The following STUM variants were observed in gnomAD, a reference collection of about 807,000 sequenced individuals.
STUM encodes the protein stum, mechanosensory transduction mediator homolog.
STUM carries 8 observed loss-of-function variants against 15.3 expected under a neutral mutation model. The ratio of observed to expected loss-of-function variants is 0.52; its 90% CI spans 0.31 to 0.94. The LOEUF is 0.94. STUM is among the 40% of genes least tolerant of loss of function. STUM has a pLI of 0.05. For synonymous variants in STUM, 78 were observed against 88.7 expected, an observed-to-expected ratio of 0.88 and a Z score of 0.68; for missense variants, 142 against 204.9, an observed-to-expected ratio of 0.69 and a Z score of 1.87.
chr1:226,594,835 T>C (rs1347090882), intron 1 of STUM, among the ~76,000 whole-genome samples: 6 of 152,162 alleles, frequency 3.9e-5, no homozygotes, highest in African/African-American at 1.2e-4. Context: ...TTGTATTTTT[T>C]AGTAGAGACA....
intron 1 of STUM, among the ~76,000 whole-genome samples, chr1:226,579,868 C>T (rs1030015431): frequency 1.3e-5 from 2 of 152,090 alleles, no homozygotes; most frequent in East Asian, 1.9e-4. Context: ...CCTCCAGCCT[C>T]GGCCTCCCAA....
Position 226,567,376 on chromosome 1 carries a change from G to A in STUM, c.202+18270G>A, listed in dbSNP as rs767048011. On this transcript the variant is annotated intron_variant, in intron 1 of 3. Transcript: ENST00000366788. The surrounding 1 kb of genome is among the most constrained non-coding windows in gnomAD (Gnocchi z 4.5). Reference sequence around the variant, plus strand: ...CTGAACATTTGCAGTGGAAAATAACGGAAAATAGAAACACAACAATATTAG... The same window carrying A: ...CTGAACATTTGCAGTGGAAAATAACAGAAAATAGAAACACAACAATATTAG... 3.3e-5 allele frequency among the ~76,000 whole-genome samples: 5 copies of A among 152,076 alleles called. No homozygotes were observed. Among genetic ancestry groups the A allele is most frequent in the Admixed American group, 6.5e-5 (1 of 15,278 alleles).
At chr1:226,554,158 A>G (rs1667414014) in intron 1 of STUM, among the ~76,000 whole-genome samples, 1 of 152,234 alleles carries the variant, frequency 6.6e-6, no homozygotes, top group Non-Finnish European at 1.5e-5. Context: ...TGAAGTTCTG[A>G]CATTGTTCTT....
Position 226,548,971 on chromosome 1 carries a change from C to CG in STUM, c.73dup (p.Ala25GlyfsTer132). On this transcript the variant is annotated frameshift_variant, in exon 1 of 4. Coordinates refer to ENST00000366788, the MANE Select transcript of STUM (RefSeq NM_001003665.4). LOFTEE classifies it high-confidence loss of function. ...GGCGGCGGTGGCGGCGGCGGACCCC[C>CG]GGGGGGCGTCCTCGTCCAGCGGGGT... 5 of 1,510,458 alleles carry CG rather than the reference C, an allele frequency of 3.3e-6. No homozygotes were observed. Among genetic ancestry groups the CG allele is most frequent in the Non-Finnish European group, 2.7e-6 (3 of 1,131,128 alleles). The allele number at this position is 1,510,458 out of a possible 1,614,324, so 93.6% of individuals were successfully genotyped here.
rs1480988304 is a variant in STUM at position 226,600,019 on chromosome 1, G to A, written c.383-647G>A. ...AGCACATAGCTCAGACAGAGCCAGTGTGGGGCCAGGATGGGGCACATCAGC... is the reference window on the plus strand; with the variant it reads ...AGCACATAGCTCAGACAGAGCCAGTATGGGGCCAGGATGGGGCACATCAGC... On this transcript the variant is annotated intron_variant, in intron 2 of 3. Transcript: ENST00000366788. The surrounding 1 kb of genome is among the most constrained non-coding windows in gnomAD (Gnocchi z 5.2). 6.6e-6 allele frequency among the ~76,000 whole-genome samples: 1 copy of A among 152,214 alleles called. No homozygotes were observed. The highest frequency in any genetic ancestry group is 1.5e-5 in the Non-Finnish European group (1 of 68,044).
rs942455552 is a variant in STUM, at chr1:226,602,149, G to A, written c.*109G>A. ...TCTTTTCTGCCATTTTCTGGACTGG[G>A]GGTGGAAAGGGGGTATTTTTAAAAA... is the stretch of plus-strand genomic sequence containing the variant. On this transcript the variant is annotated 3_prime_UTR_variant, in exon 4 of 4. Coordinates refer to ENST00000366788, the MANE Select transcript of STUM (RefSeq NM_001003665.4). The A allele has an allele frequency of 1.4e-6, 1 of 738,138 alleles. No individual in the cohort carries two copies. Among genetic ancestry groups the A allele is most frequent in the Non-Finnish European group, 2.3e-6 (1 of 441,694 alleles). 45.7% of individuals were successfully genotyped at this position (738,138 alleles called of 1,614,324 possible).
At chr1:226,558,492 C>T (rs1211414361) in intron 1 of STUM, among the ~76,000 whole-genome samples, 1 of 152,266 alleles carries the variant, frequency 6.6e-6, no homozygotes, top group Non-Finnish European at 1.5e-5. Context: ...ACCTCCCACA[C>T]GTGACGTGCT....
intron 1 of STUM, among the ~76,000 whole-genome samples, chr1:226,592,182 G>A (rs1311255774): frequency 6.6e-6 from 1 of 152,096 alleles, no homozygotes; most frequent in Non-Finnish European, 1.5e-5. Context: ...TGAGTAGCTG[G>A]GACTACAGGC....
At chr1:226,573,096 A>G (rs1667746124) in intron 1 of STUM, among the ~76,000 whole-genome samples, 1 of 152,252 alleles carries the variant, frequency 6.6e-6, no homozygotes, top group South Asian at 2.1e-4. Context: ...GAGTTGGTCC[A>G]GCACCTGCTG....
In STUM at chr1:226,602,125, C is replaced by A; in HGVS notation, c.*85C>A. On this transcript the variant is annotated 3_prime_UTR_variant, in exon 4 of 4. Transcript: ENST00000366788. ...TTGGGCACAAGGACCTTTACATGTT[C>A]TTTTCTGCCATTTTCTGGACTGGGG... is the stretch of plus-strand genomic sequence containing the variant. The A allele has an allele frequency of 9.9e-7, 1 of 1,015,022 alleles. No individual in the cohort carries two copies. Among genetic ancestry groups the A allele is most frequent in the Non-Finnish European group, 1.5e-6 (1 of 674,838 alleles). The allele number at this position is 1,015,022 out of a possible 1,614,324, so 62.9% of individuals were successfully genotyped here.
chr1:226,575,548 G>T (rs577211882), intron 1 of STUM, among the ~76,000 whole-genome samples: 4 of 152,334 alleles, frequency 2.6e-5, no homozygotes, highest in South Asian at 2.1e-4. Context: ...GGAACAGAGT[G>T]GGGGGTGGCT....
chr1:226,584,929 A>G (rs1038604844), intron 1 of STUM, among the ~76,000 whole-genome samples: 7 of 152,154 alleles, frequency 4.6e-5, no homozygotes, highest in Non-Finnish European at 1.0e-4. Context: ...CCATGGCAAA[A>G]CCATTTTTAC....
chr1:226,596,052 C>T (rs909663776), intron 1 of STUM, among the ~76,000 whole-genome samples: 4 of 152,150 alleles, frequency 2.6e-5, no homozygotes, highest in African/African-American at 7.2e-5. Flanking sequence ...GGGCCTAACT[C>T]GGTAAAGGTA....
intron 1 of STUM, among the ~76,000 whole-genome samples, chr1:226,551,971 T>G (rs1667382121): frequency 6.6e-6 from 1 of 152,216 alleles, no homozygotes; most frequent in Non-Finnish European, 1.5e-5. Flanking sequence ...CCCAGACCAC[T>G]GGCCCAAAGA....
chr1:226,565,633 G>T lies in STUM; in HGVS notation c.202+16527G>T, dbSNP rs1459838364. Among the ~76,000 whole-genome samples the T allele has an allele frequency of 6.6e-6, 1 of 152,182 alleles. No individual in the cohort carries two copies. Among genetic ancestry groups the T allele is most frequent in the African/African-American group, 2.4e-5 (1 of 41,448 alleles). ...CTGGTGCTCAGGAGATGCCTCAGCTGGGGGAGGGGTGGAGACTTGAGAAGG... is the reference window on the plus strand; with the variant it reads ...CTGGTGCTCAGGAGATGCCTCAGCTTGGGGAGGGGTGGAGACTTGAGAAGG... On this transcript the variant is annotated intron_variant, in intron 1 of 3. Transcript: ENST00000366788. This position sits in a 1 kb window ranked among gnomAD's most constrained non-coding sequence, Gnocchi z 4.4.
intron 1 of STUM, among the ~76,000 whole-genome samples, chr1:226,576,192 T>G (rs1352831019): frequency 6.6e-6 from 1 of 152,210 alleles, no homozygotes; most frequent in Non-Finnish European, 1.5e-5. Flanking sequence ...TTACTCCAGG[T>G]TGCAGGAGCA....
rs1667392486 is a variant in STUM at position 226,552,821 on chromosome 1, G to T, written c.202+3715G>T. On this transcript the variant is annotated intron_variant, in intron 1 of 3. Coordinates refer to ENST00000366788, the MANE Select transcript of STUM (RefSeq NM_001003665.4). The surrounding 1 kb of genome is among the most constrained non-coding windows in gnomAD (Gnocchi z 4.7). ...ACCTCCTGGCATCTTTTGTATCATA[G>T]ATTTTTTGTTGCTGTTTTGAGACTT... is the stretch of plus-strand genomic sequence containing the variant. Among the ~76,000 whole-genome samples the T allele has an allele frequency of 6.6e-6, 1 of 152,156 alleles. No homozygotes were observed. The highest frequency in any genetic ancestry group is 1.5e-5 in the Non-Finnish European group (1 of 68,026).
Position 226,604,361 on chromosome 1 carries a change from C to G in STUM, c.*2321C>G, listed in dbSNP as rs1160561950. On this transcript the variant is annotated 3_prime_UTR_variant, in exon 4 of 4. Coordinates refer to ENST00000366788, the MANE Select transcript of STUM (RefSeq NM_001003665.4). The surrounding 1 kb of genome is among the most constrained non-coding windows in gnomAD (Gnocchi z 4.7). The stretch of plus-strand genomic sequence containing the variant: ...TGTGTGTGGAGGGCCACTGCGCCCC[C>G]AGATCCTCCTCTCCCCCGAGGGCTG... 1 of 152,218 alleles carries G rather than the reference C, an allele frequency of 6.6e-6. No homozygotes were observed. The highest frequency in any genetic ancestry group is 1.5e-5 in the Non-Finnish European group (1 of 68,096). 9.4% of individuals were successfully genotyped at this position (152,218 alleles called of 1,614,324 possible).
intron 1 of STUM, among the ~76,000 whole-genome samples, chr1:226,585,146 AT>A (rs1667976955): frequency 6.6e-6 from 1 of 152,230 alleles, no homozygotes; most frequent in South Asian, 2.1e-4. Context: ...TGAGGCTGAC[AT>A]GGTGAACTTA....
Sources: allele counts gnomAD v4.1 joint callset (sites outside exome capture counted in the v4.1 genomes callset), GRCh38; gene constraint gnomAD v4.1.1; non-coding constraint Gnocchi (gnomAD v3.1); transcripts MANE v1.5; gene names NCBI Gene and HGNC (gene_info 2026-07-23, HGNC 2026-07-21).